PPM1H: variants seen among roughly 807,000 people sequenced by gnomAD.
PPM1H encodes protein phosphatase, Mg2+/Mn2+ dependent 1H.
PPM1H carries 27 observed loss-of-function variants against 54.9 expected under a neutral mutation model. The observed-to-expected ratio is 0.49, with a 90% CI of 0.36 to 0.68. The LOEUF (loss-of-function observed/expected upper bound fraction) is 0.68. PPM1H is among the 30% of genes least tolerant of loss of function. The pLI, the probability that PPM1H is intolerant of heterozygous loss-of-function variation, is 0.00. For missense variants in PPM1H, 596 were observed against 667.8 expected, an observed-to-expected ratio of 0.89 and a Z score of 1.19; for synonymous variants, 305 against 270.8, an observed-to-expected ratio of 1.13 and a Z score of -1.24.
chr12:62,893,025 T>C (rs1286668556), intron 1 of PPM1H, among the ~76,000 whole-genome samples: 1 of 152,212 alleles, frequency 6.6e-6, no homozygotes, highest in East Asian at 1.9e-4. Flanking sequence ...TTAAGAAGCT[T>C]GGGCTACAGT....
intron 4 of PPM1H, among the ~76,000 whole-genome samples, chr12:62,740,672 C>G (rs999683747): frequency 6.6e-6 from 1 of 152,208 alleles, no homozygotes; most frequent in East Asian, 1.9e-4. Context: ...CTGTCTTGAT[C>G]GACACTGCAG....
intron 8 of PPM1H, among the ~76,000 whole-genome samples, chr12:62,682,867 G>A (rs2136629777): frequency 1.3e-5 from 2 of 151,408 alleles, no homozygotes; most frequent in Admixed American, 1.3e-4. Flanking sequence ...TGTCGCCCAG[G>A]CTGGGGTGCA....
At chr12:62,838,339 G>A (rs570885512) in intron 1 of PPM1H, among the ~76,000 whole-genome samples, 1 of 80,112 alleles carries the variant, frequency 1.2e-5, no homozygotes, top group Non-Finnish European at 2.2e-5. Flanking sequence ...GTGTGTGTGT[G>A]GGGGGGGGGA....
intron 3 of PPM1H, among the ~76,000 whole-genome samples, chr12:62,789,745 A>T (rs2076693088): frequency 6.6e-6 from 1 of 152,212 alleles, no homozygotes; most frequent in Non-Finnish European, 1.5e-5. Context: ...TCTGGATTCC[A>T]ACCTGCTTCT....
intron 3 of PPM1H, among the ~76,000 whole-genome samples, chr12:62,795,704 T>G (rs2076729543): frequency 6.6e-6 from 1 of 151,858 alleles, no homozygotes; most frequent in Non-Finnish European, 1.5e-5. Context: ...AGTGCTGGGA[T>G]TACAGGCGTG....
chr12:62,753,107 T>C (rs182675845), intron 4 of PPM1H, among the ~76,000 whole-genome samples: 51 of 152,284 alleles, frequency 3.3e-4, no homozygotes, highest in African/African-American at 1.1e-3. Flanking sequence ...GAAACAAGTG[T>C]TCTAGGGAAT....
At chr12:62,758,523 T>A (rs1203453019) in intron 4 of PPM1H, among the ~76,000 whole-genome samples, 7 of 152,182 alleles carry the variant, frequency 4.6e-5, no homozygotes, top group African/African-American at 7.2e-5. Context: ...AAACTCAGAT[T>A]CTTGACTGAA....
chr12:62,665,502 T>C (rs1268690007), intron 9 of PPM1H, among the ~76,000 whole-genome samples: 1 of 152,252 alleles, frequency 6.6e-6, no homozygotes, highest in African/African-American at 2.4e-5. Flanking sequence ...GCCATCTTTT[T>C]AGTCTCTTAA....
In PPM1H at chr12:62,658,182, A is replaced by ATTTTTTT. The variant is rs1173229360; in HGVS notation, c.1397+8989_1397+8995dup. ...GAGACCAGCCTGGGTAACACGGTGA[A>ATTTTTTT]TTTTTTTTTTTTTTTTTTTTTTTTT... is the stretch of plus-strand genomic sequence containing the variant. On this transcript the variant is annotated intron_variant, in intron 9 of 9. Transcript: ENST00000228705. 5.9e-3 allele frequency among the ~76,000 whole-genome samples: 519 copies of ATTTTTTT among 87,472 alleles called. 27 individuals carry two copies. Among genetic ancestry groups the ATTTTTTT allele is most frequent in the African/African-American group, 0.018 (401 of 22,298 alleles). The allele number at this position is 87,472 out of a possible 152,430, so 57.4% of individuals were successfully genotyped here.
chr12:62,912,117 CAAA>C (rs1490071276), intron 1 of PPM1H, among the ~76,000 whole-genome samples: 1 of 151,888 alleles, frequency 6.6e-6, no homozygotes, highest in Non-Finnish European at 1.5e-5. Context: ...GCCTACAACG[CAAA>C]AAAGTGGTGA....
intron 3 of PPM1H, among the ~76,000 whole-genome samples, chr12:62,801,169 T>C (rs1299995325): frequency 6.6e-6 from 1 of 152,208 alleles, no homozygotes; most frequent in Non-Finnish European, 1.5e-5. Flanking sequence ...CACCGGACTT[T>C]ATACACATCT....
chr12:62,732,847 A>T (rs949663330), intron 5 of PPM1H, among the ~76,000 whole-genome samples: 1 of 152,134 alleles, frequency 6.6e-6, no homozygotes, highest in African/African-American at 2.4e-5. Context: ...CCTAAATATA[A>T]AATTTGATTT....
At chr12:62,662,400 C>G (rs560549230) in intron 9 of PPM1H, among the ~76,000 whole-genome samples, 1 of 152,312 alleles carries the variant, frequency 6.6e-6, no homozygotes, top group South Asian at 2.1e-4. Flanking sequence ...ATCAATTCCT[C>G]CACACCTGAG....
At chr12:62,795,611 T>C (rs1485653150) in intron 3 of PPM1H, among the ~76,000 whole-genome samples, 1 of 151,656 alleles carries the variant, frequency 6.6e-6, no homozygotes, top group Non-Finnish European at 1.5e-5. Context: ...GCCCAGCTAA[T>C]TTTTTTGTAT....
At chr12:62,808,667 A>AC (rs2120770400) in intron 2 of PPM1H, among the ~76,000 whole-genome samples, 1 of 151,314 alleles carries the variant, frequency 6.6e-6, no homozygotes, top group South Asian at 2.1e-4. Context: ...AACCATCACC[A>AC]CCTCCTTTAC....
chr12:62,934,192 A>G lies in PPM1H; in HGVS notation c.245+300T>C. ...CTTTTCTGCCCGTTTTTTTTCCCCA[A>G]GTGACAGAGACCCCGGATTCACAGA... On this transcript the variant is annotated intron_variant, in intron 1 of 9. Transcript: ENST00000228705. The surrounding 1 kb of genome is among the most constrained non-coding windows in gnomAD (Gnocchi z 4.2). 2.8e-6 allele frequency: 1 copy of G among 356,240 alleles called. No homozygotes were observed. Among genetic ancestry groups the G allele is most frequent in the Non-Finnish European group, 5.0e-6 (1 of 198,478 alleles). The allele number at this position is 356,240 out of a possible 1,614,324, so 22.1% of individuals were successfully genotyped here. A position where few individuals can be genotyped will look rare whatever the true frequency, so the allele number is the denominator to read the frequency against.
chr12:62,785,696 C>T (rs1425580410), intron 4 of PPM1H, among the ~76,000 whole-genome samples: 3 of 152,020 alleles, frequency 2.0e-5, no homozygotes, highest in Non-Finnish European at 4.4e-5. Context: ...GAAATTGGCA[C>T]CTAAGTACAA....
intron 1 of PPM1H, among the ~76,000 whole-genome samples, chr12:62,888,809 C>G (rs1356733510): frequency 1.3e-5 from 2 of 152,228 alleles, no homozygotes; most frequent in East Asian, 1.9e-4. Context: ...CCCATTTGAT[C>G]CCCACAATTA....
At chr12:62,741,460 C>T (rs979119862) in intron 4 of PPM1H, among the ~76,000 whole-genome samples, 8 of 152,224 alleles carry the variant, frequency 5.3e-5, no homozygotes, top group African/African-American at 1.9e-4. Context: ...GTGATGGCTT[C>T]CCAGCTTTTC....
Sources: gnomAD v4.1 joint callset for allele counts (sites outside exome capture counted in the v4.1 genomes callset) on GRCh38, gnomAD v4.1.1 for gene constraint, Gnocchi (gnomAD v3.1) non-coding constraint, MANE v1.5 for transcripts, NCBI Gene and HGNC (gene_info 2026-07-23, HGNC 2026-07-21) for gene names.